Variants in FHOD3 observed in about 807,000 individuals in gnomAD.
FHOD3 encodes formin homology 2 domain containing 3.
A neutral mutation model predicts 173.0 loss-of-function variants in FHOD3; 90 were observed. The ratio of observed to expected loss-of-function variants is 0.52; its 90% CI spans 0.44 to 0.62. The LOEUF (loss-of-function observed/expected upper bound fraction) is 0.62, where lower values mean the gene tolerates loss of function less well. FHOD3 is among the 20% of genes least tolerant of loss of function. The pLI is 0.00. For missense variants in FHOD3, 1,945 were observed against 2,034.7 expected, an observed-to-expected ratio of 0.96 and a Z score of 0.85; for synonymous variants, 828 against 823.0, an observed-to-expected ratio of 1.01 and a Z score of -0.10.
At chr18:36,373,667 A>G (rs964813742) in intron 3 of FHOD3, among the ~76,000 whole-genome samples, 15 of 152,228 alleles carry the variant, frequency 9.9e-5, no homozygotes, top group African/African-American at 3.4e-4. Flanking sequence ...AGGTGACTCA[A>G]ACTTCAGGGA....
chr18:36,422,907 TGTTAA>T (rs1165203118), intron 3 of FHOD3, among the ~76,000 whole-genome samples: 2 of 152,148 alleles, frequency 1.3e-5, no homozygotes, highest in East Asian at 3.9e-4. Context: ...AGCAGAAAAG[TGTTAA>T]CATTTTACCA....
intron 3 of FHOD3, among the ~76,000 whole-genome samples, chr18:36,393,853 G>T (rs1442025265): frequency 6.6e-6 from 1 of 152,166 alleles, no homozygotes; most frequent in Admixed American, 6.5e-5. Context: ...GGTTCTGATG[G>T]TTTCCTATGT....
In FHOD3 at chr18:36,658,119, C is replaced by T; in HGVS notation, c.1766C>T (p.Ser589Leu). ...AACTCTTATCACTCCTCAAGACCCT[C>T]ATCTGGATCCAGTGTGCCCACCACC... ...GNNSYHSSRP[S>L]SGSSVPTTPT... The change falls in exon 14 of 29, where the codon TCA becomes TTA. Residue 589 changes from serine to leucine, a missense_variant. By Grantham distance (145) the Ser-to-Leu change is moderately radical (BLOSUM62 -2). Transcript: ENST00000590592. 1 of 1,602,294 alleles carries T rather than the reference C, an allele frequency of 6.2e-7. No individual in the cohort carries two copies. Among genetic ancestry groups the T allele is most frequent in the South Asian group, 1.1e-5 (1 of 90,078 alleles).
intron 10 of FHOD3, among the ~76,000 whole-genome samples, chr18:36,641,351 G>A (rs1378345338): frequency 6.6e-6 from 1 of 152,208 alleles, no homozygotes; most frequent in Non-Finnish European, 1.5e-5. Context: ...AGACGAAGTT[G>A]GAGAGGTGAT....
At chr18:36,633,326 A>G (rs79603670) in intron 10 of FHOD3, among the ~76,000 whole-genome samples, 19,552 of 152,232 alleles carry the variant, frequency 0.13, 1,333 homozygotes, top group Non-Finnish European at 0.15. Context: ...GGCACCAGCT[A>G]TGACCAATTA....
At chr18:36,334,088 C>A (rs565309959) in intron 1 of FHOD3, among the ~76,000 whole-genome samples, 19 of 152,308 alleles carry the variant, frequency 1.2e-4, no homozygotes, top group African/African-American at 4.3e-4. Flanking sequence ...GTGGTCCCCC[C>A]ACATCAGCAG....
Position 36,297,779 on chromosome 18 carries a change from TCCCGGCCCGCGGCCCCGCTAA to T in FHOD3, c.-53_-33del, listed in dbSNP as rs2091832070. ...TCCCCTGCGCGCAGCTACCCGGGCG[TCCCGGCCCGCGGCCCCGCTAA>T]CCCCGGGGCCCGCGCCCCCGCGGCA... On this transcript the variant is annotated 5_prime_UTR_variant, in exon 1 of 29. Coordinates refer to ENST00000590592, the MANE Select transcript of FHOD3 (RefSeq NM_001281740.3). 2.1e-6 allele frequency: 3 copies of T among 1,433,126 alleles called. No homozygotes were observed. The highest frequency in any genetic ancestry group is 2.8e-6 in the Non-Finnish European group (3 of 1,084,686). The allele number at this position is 1,433,126 out of a possible 1,614,324, so 88.8% of individuals were successfully genotyped here. A position where few individuals can be genotyped will look rare whatever the true frequency, so the allele number is the denominator to read the frequency against.
intron 6 of FHOD3, among the ~76,000 whole-genome samples, chr18:36,589,695 C>T (rs1400837281): frequency 5.3e-5 from 8 of 152,134 alleles, no homozygotes; most frequent in Non-Finnish European, 8.8e-5. Flanking sequence ...AGTAAGTGGC[C>T]GTGCAGAGCC....
intron 3 of FHOD3, among the ~76,000 whole-genome samples, chr18:36,500,419 G>C (rs1342354557): frequency 6.6e-6 from 1 of 152,184 alleles, no homozygotes; most frequent in Non-Finnish European, 1.5e-5. Context: ...GGGGCCATTT[G>C]TTCCATGCCA....
intron 1 of FHOD3, among the ~76,000 whole-genome samples, chr18:36,352,778 A>T (rs1184736017): frequency 6.6e-6 from 1 of 152,230 alleles, no homozygotes; most frequent in African/African-American, 2.4e-5. Context: ...TCTGTTGATT[A>T]TATGTGGGAT....
intron 16 of FHOD3, among the ~76,000 whole-genome samples, chr18:36,690,228 A>G (rs1444168545): frequency 1.3e-5 from 2 of 152,204 alleles, no homozygotes; most frequent in Non-Finnish European, 2.9e-5. Flanking sequence ...GCACTTGACA[A>G]ACATTCAATA....
At chr18:36,433,549 A>C (rs2050663823) in intron 3 of FHOD3, among the ~76,000 whole-genome samples, 1 of 152,250 alleles carries the variant, frequency 6.6e-6, no homozygotes, top group Non-Finnish European at 1.5e-5. Flanking sequence ...CATGTGGTCT[A>C]GTGCAAGGCT....
chr18:36,573,659 T>A (rs2058541836), intron 5 of FHOD3, among the ~76,000 whole-genome samples: 1 of 152,148 alleles, frequency 6.6e-6, no homozygotes, highest in African/African-American at 2.4e-5. Context: ...ACTTATTTTA[T>A]TTAATTATGT....
intron 5 of FHOD3, among the ~76,000 whole-genome samples, chr18:36,533,535 C>T (rs1454780016): frequency 6.6e-6 from 1 of 152,190 alleles, no homozygotes; most frequent in Non-Finnish European, 1.5e-5. Flanking sequence ...CTCAGAGGGG[C>T]CGGCTGCTGT....
At chr18:36,637,999 T>A (rs2035014862) in intron 10 of FHOD3, among the ~76,000 whole-genome samples, 1 of 152,202 alleles carries the variant, frequency 6.6e-6, no homozygotes, top group Non-Finnish European at 1.5e-5. Flanking sequence ...AATATGTTTT[T>A]TTTAAAATCT....
intron 28 of FHOD3, among the ~76,000 whole-genome samples, chr18:36,775,179 C>T (rs570972426): frequency 2.6e-4 from 40 of 152,290 alleles, no homozygotes; most frequent in African/African-American, 9.1e-4. Flanking sequence ...GCTCCCAGTA[C>T]ACCTGGTAGA....
At chr18:36,553,079 TGTG>T (rs1387112806) in intron 5 of FHOD3, among the ~76,000 whole-genome samples, 1 of 152,244 alleles carries the variant, frequency 6.6e-6, no homozygotes, top group Admixed American at 6.5e-5. Context: ...GAGATAATCA[TGTG>T]GTTTTTGTCT....
At chr18:36,603,362 G>T (rs910884966) in intron 8 of FHOD3, among the ~76,000 whole-genome samples, 1 of 152,218 alleles carries the variant, frequency 6.6e-6, no homozygotes, top group South Asian at 2.1e-4. Flanking sequence ...ATGCGTGCAG[G>T]TGTGTGTGCT....
At chr18:36,606,781 A>G (rs995188492) in intron 8 of FHOD3, among the ~76,000 whole-genome samples, 2 of 152,240 alleles carry the variant, frequency 1.3e-5, no homozygotes, top group African/African-American at 4.8e-5. Context: ...TGGAACTGGC[A>G]TAGATGTTCA....
Sources: allele counts gnomAD v4.1 joint callset (sites outside exome capture counted in the v4.1 genomes callset), GRCh38; gene constraint gnomAD v4.1.1; transcripts MANE v1.5; gene names NCBI Gene and HGNC (gene_info 2026-07-23, HGNC 2026-07-21).